The following SMOC1 variants were observed in gnomAD, a reference collection of about 807,000 sequenced individuals.
The protein encoded by SMOC1 is SPARC related modular calcium binding 1.
In SMOC1, 22 loss-of-function variants were observed where a neutral mutation model predicts 56.3. The ratio of observed to expected loss-of-function variants is 0.39; its 90% CI spans 0.28 to 0.56. The LOEUF (loss-of-function observed/expected upper bound fraction) is 0.56, where lower values mean the gene tolerates loss of function less well. SMOC1 is among the 20% of genes least tolerant of loss of function. The pLI, the probability that SMOC1 is intolerant of heterozygous loss-of-function variation, is 0.61. For missense variants in SMOC1, 509 were observed against 565.4 expected (o/e 0.90, Z 1.01); for synonymous variants, 193 against 215.0 (o/e 0.90, Z 0.89).
chr14:70,003,922 T>C (rs1016410579), intron 7 of SMOC1, among the ~76,000 whole-genome samples: 9 of 152,186 alleles, frequency 5.9e-5, no homozygotes, highest in African/African-American at 2.2e-4. Context: ...CAACCAGTAA[T>C]ATCCTGGGTG....
At chr14:69,992,610 G>T in intron 6 of SMOC1, 137 bp downstream of exon 6, 1 of 772,270 alleles carries the variant, frequency 1.3e-6, no homozygotes, top group East Asian at 2.7e-5. Context: ...AGTGTAAGCT[G>T]GGTTGTTTTA....
chr14:69,981,782 C>T (rs999788870), intron 5 of SMOC1, among the ~76,000 whole-genome samples: 1 of 152,164 alleles, frequency 6.6e-6, no homozygotes, highest in Non-Finnish European at 1.5e-5. Context: ...AGCAGCTTTA[C>T]CTGGCTGTAC....
chr14:70,020,206 A>C (rs762022795), intron 10 of SMOC1, among the ~76,000 whole-genome samples: 4 of 151,706 alleles, frequency 2.6e-5, no homozygotes, highest in Non-Finnish European at 5.9e-5. Context: ...GGAGTCCATT[A>C]ATCTGAAATC....
chr14:69,951,601 C>T (rs1566685672), intron 1 of SMOC1, among the ~76,000 whole-genome samples: 2 of 152,086 alleles, frequency 1.3e-5, no homozygotes, highest in East Asian at 3.9e-4. Flanking sequence ...GAGCTCACTA[C>T]GATCTAATAA....
At chr14:70,019,326 A>C (rs931745540) in intron 10 of SMOC1, among the ~76,000 whole-genome samples, 7 of 152,212 alleles carry the variant, frequency 4.6e-5, no homozygotes, top group African/African-American at 1.7e-4. Context: ...AAAATCTGGA[A>C]TCTGGTATCA....
intron 1 of SMOC1, among the ~76,000 whole-genome samples, chr14:69,927,503 C>T (rs1367779501): frequency 6.6e-6 from 1 of 152,136 alleles, no homozygotes; most frequent in African/African-American, 2.4e-5. Flanking sequence ...CACATGAAAA[C>T]CTGTCTCTGG....
rs752778342 is a variant in SMOC1, at chr14:69,977,971, T to G, written c.526+6T>G. On this transcript the variant is annotated splice_donor_region_variant and intron_variant, in intron 5 of 11. Coordinates refer to ENST00000361956, the MANE Select transcript of SMOC1 (RefSeq NM_001034852.3). ...GGGTAACTCAGGAAGGAAAGGTGAGTGGAGTTTTATGCTTTATCTAAATGT... is the reference window on the plus strand; with the variant it reads ...GGGTAACTCAGGAAGGAAAGGTGAGGGGAGTTTTATGCTTTATCTAAATGT... 5 of 1,611,456 alleles carry G rather than the reference T, an allele frequency of 3.1e-6. No homozygotes were observed. The highest frequency in any genetic ancestry group is 4.2e-6 in the Non-Finnish European group (5 of 1,177,938).
chr14:69,901,138 C>T (rs998626010), intron 1 of SMOC1, among the ~76,000 whole-genome samples: 2 of 152,210 alleles, frequency 1.3e-5, no homozygotes, highest in African/African-American at 2.4e-5. Flanking sequence ...AGCTCCTTCT[C>T]CCATACTCAG....
chr14:69,969,909 C>T (rs1014138541), intron 3 of SMOC1, among the ~76,000 whole-genome samples: 1 of 152,186 alleles, frequency 6.6e-6, no homozygotes, highest in African/African-American at 2.4e-5. Flanking sequence ...TTGGAGAGAA[C>T]AGCAGCCTCA....
intron 3 of SMOC1, among the ~76,000 whole-genome samples, 158 bp downstream of exon 3, chr14:69,953,690 C>T (rs1380120926): frequency 6.6e-6 from 1 of 152,174 alleles, no homozygotes; most frequent in Non-Finnish European, 1.5e-5. Flanking sequence ...CCTCTCTGGC[C>T]CTCCCCGTCC....
At chr14:69,912,244 C>G (rs534236934) in intron 1 of SMOC1, among the ~76,000 whole-genome samples, 2 of 152,178 alleles carry the variant, frequency 1.3e-5, no homozygotes, top group African/African-American at 4.8e-5. Context: ...AGATGAGGCA[C>G]AATTTCCTTT....
intron 5 of SMOC1, among the ~76,000 whole-genome samples, chr14:69,986,949 C>T (rs764589383): frequency 4.6e-5 from 7 of 152,196 alleles, no homozygotes; most frequent in Non-Finnish European, 8.8e-5. Context: ...TTCTGAGCCT[C>T]GCTGGTCATG....
chr14:70,022,754 A>T lies in SMOC1; in HGVS notation c.1047-449A>T, dbSNP rs140659007. 6.6e-5 allele frequency among the ~76,000 whole-genome samples: 10 copies of T among 152,352 alleles called. No individual in the cohort carries two copies. In the East Asian group the frequency reaches 1.9e-3, roughly 29 times the overall value. On this transcript the variant is annotated intron_variant, in intron 10 of 11. Coordinates refer to ENST00000361956, the MANE Select transcript of SMOC1 (RefSeq NM_001034852.3). ...CAGGGCCCAGACTGGCACTGGGCGT[A>T]CAGTGGATGCTCAGAGCACCTTCCC... is the stretch of plus-strand genomic sequence containing the variant.
intron 3 of SMOC1, among the ~76,000 whole-genome samples, chr14:69,967,329 A>G (rs1452864579): frequency 6.6e-6 from 1 of 152,268 alleles, no homozygotes; most frequent in Non-Finnish European, 1.5e-5. Context: ...GTCTACAGTC[A>G]ATAAGAATAG....
intron 10 of SMOC1, among the ~76,000 whole-genome samples, chr14:70,018,530 G>A (rs1885600312): frequency 6.6e-6 from 1 of 152,190 alleles, no homozygotes; most frequent in Non-Finnish European, 1.5e-5. Flanking sequence ...TTCTGTGTGA[G>A]TGAGTTATCC....
rs112968811 is a variant in SMOC1 at position 69,982,971 on chromosome 14, C to T, written c.526+5006C>T. 7.4e-4 allele frequency among the ~76,000 whole-genome samples: 113 copies of T among 152,348 alleles called. 1 individual carries two copies. The highest frequency in any genetic ancestry group is 2.6e-3 in the African/African-American group (108 of 41,576). ...TTTCTGGTTCTCCGAGCCGCCTCCA[C>T]CAAGCCTGGAATGTTCATATACCAG... On this transcript the variant is annotated intron_variant, in intron 5 of 11. Transcript: ENST00000361956.
rs1410812891 is a variant in SMOC1 at position 70,031,274 on chromosome 14, G to T, written c.*1016G>T. The T allele has an allele frequency of 6.6e-6, 1 of 152,114 alleles. No homozygotes were observed. The highest frequency in any genetic ancestry group is 2.4e-5 in the African/African-American group (1 of 41,410). The allele number at this position is 152,114 out of a possible 1,614,324, so 9.4% of individuals were successfully genotyped here. On this transcript the variant is annotated 3_prime_UTR_variant, in exon 12 of 12. Coordinates refer to ENST00000361956, the MANE Select transcript of SMOC1 (RefSeq NM_001034852.3). ...TGCACTGAGGGGTGCGGTGCCAACA[G>T]GGAAACTCTTCACCTCCCTGCAAAC...
chr14:70,005,031 C>T (rs181757090), intron 7 of SMOC1, among the ~76,000 whole-genome samples: 8 of 152,328 alleles, frequency 5.3e-5, no homozygotes, highest in Non-Finnish European at 1.0e-4. Flanking sequence ...TGTTGGGTTA[C>T]CCAGGATCTC....
chr14:69,967,560 GAT>G (rs201462952), intron 3 of SMOC1, among the ~76,000 whole-genome samples: 2,028 of 152,318 alleles, frequency 0.013, 57 homozygotes, highest in African/African-American at 0.047. Context: ...GAAGCCAAAA[GAT>G]TGGACACCCC....
Sources: gnomAD v4.1 joint callset for allele counts (sites outside exome capture counted in the v4.1 genomes callset) on GRCh38, gnomAD v4.1.1 for gene constraint, MANE v1.5 for transcripts, NCBI Gene and HGNC (gene_info 2026-07-23, HGNC 2026-07-21) for gene names.